The following CPM variants were observed in gnomAD, a reference collection of about 807,000 sequenced individuals.
CPM encodes the protein carboxypeptidase M, also known as renal carboxypeptidase.
CPM carries 35 observed loss-of-function variants against 46.4 expected under a neutral mutation model. That is an observed-to-expected ratio of 0.75 (90% confidence interval 0.58 to 1.00). The LOEUF (loss-of-function observed/expected upper bound fraction) is 1.00, where lower values mean the gene tolerates loss of function less well. Ranked by LOEUF, CPM falls within the 50% of genes least tolerant of loss-of-function variation. The pLI is 0.00. For missense variants in CPM, 422 were observed against 530.4 expected (o/e 0.80, Z 2.01); for synonymous variants, 195 against 195.3 (o/e 1.00, Z 0.01).
rs751865131 is a variant in CPM at position 68,871,953 on chromosome 12, C to T, written c.262G>A (p.Val88Ile). 1 of 1,614,026 alleles carries T rather than the reference C, an allele frequency of 6.2e-7. No individual in the cohort carries two copies. Among genetic ancestry groups the T allele is most frequent in the Non-Finnish European group, 8.5e-7 (1 of 1,179,992 alleles). ...YVANMHGDET[V>I]GRELLLHLID... is the part of the protein sequence containing the mutation. ...AGATGGAGCAGCAGCTCCCGCCCAA[C>T]AGTCTATATGTGTTAAAGAGAAAAG... The change falls in exon 4 of 9, where the codon GTT (valine) becomes ATT (isoleucine). Residue 88 changes from valine to isoleucine, a missense_variant. Coordinates refer to ENST00000551568, the MANE Select transcript of CPM (RefSeq NM_198320.5).
chr12:68,867,412 A>G (rs12422660), intron 6 of CPM, among the ~76,000 whole-genome samples: 1 of 152,268 alleles, frequency 6.6e-6, no homozygotes, highest in Admixed American at 6.5e-5. Flanking sequence ...AAGCTAGAAT[A>G]AGATTCCTTT....
chr12:68,953,659 G>A (rs1433266699), intron 1 of CPM, among the ~76,000 whole-genome samples: 1 of 152,210 alleles, frequency 6.6e-6, no homozygotes, highest in African/African-American at 2.4e-5. Context: ...TGATGGTGGT[G>A]CAGCCTGGAG....
At chr12:68,865,278 A>G (rs751684806) in intron 7 of CPM, among the ~76,000 whole-genome samples, 8 of 152,222 alleles carry the variant, frequency 5.3e-5, no homozygotes, top group Non-Finnish European at 1.0e-4. Context: ...AACATCCCCT[A>G]TCACAGGGAG....
intron 2 of CPM, among the ~76,000 whole-genome samples, chr12:68,924,078 G>A (rs1326295247): frequency 2.0e-5 from 3 of 151,400 alleles, no homozygotes; most frequent in East Asian, 1.9e-4. Context: ...GGGAGGCTGA[G>A]GCAGGAGGAT....
chr12:68,867,105 A>G (rs1885486755), intron 6 of CPM, 57 bp from the exon 7 acceptor site: 3 of 1,552,796 alleles, frequency 1.9e-6, no homozygotes, highest in Non-Finnish European at 2.7e-6. Context: ...GGAGCCAAGT[A>G]TCACGTGCCT....
chr12:68,922,223 T>C (rs1033934124), intron 2 of CPM, among the ~76,000 whole-genome samples: 1 of 152,252 alleles, frequency 6.6e-6, no homozygotes, highest in Non-Finnish European at 1.5e-5. Flanking sequence ...CATTTATTCG[T>C]GCTCTAAAAA....
At position 68,843,668 on chromosome 12, in the gene CPM, A is replaced by G. The variant is rs150137388; in HGVS notation, c.534-1339T>C. 563 of 225,054 alleles carry G rather than the reference A, an allele frequency of 2.5e-3. 3 individuals carry two copies. Among genetic ancestry groups the G allele is most frequent in the African/African-American group, 0.012 (529 of 44,414 alleles). The allele number at this position is 225,054 out of a possible 1,614,324, so 13.9% of individuals were successfully genotyped here. The stretch of plus-strand genomic sequence containing the variant: ...AGGACTGAGGTAATTCTGCACAGCA[A>G]CTTTACTAATGGTACATTGTTGCTT... On this transcript the variant is annotated intron_variant, in intron 5 of 5. Transcript: ENST00000551897.
chr12:68,885,965 A>T, intron 2 of CPM, 76 bp from the exon 3 acceptor site: 1 of 1,237,934 alleles, frequency 8.1e-7, no homozygotes, highest in Middle Eastern at 1.9e-4. Flanking sequence ...TAAGACTAGG[A>T]AACAGGATGC....
At chr12:68,919,619 T>C (rs902103227) in intron 2 of CPM, among the ~76,000 whole-genome samples, 1 of 152,224 alleles carries the variant, frequency 6.6e-6, no homozygotes, top group Admixed American at 6.5e-5. Context: ...CCCTTAGAAG[T>C]ACATGTTCTT....
rs144524563 is a variant in CPM, at chr12:68,864,271, C to G, written c.940+2625G>C. 6.7e-3 allele frequency among the ~76,000 whole-genome samples: 1,018 copies of G among 152,170 alleles called. 16 individuals are homozygous for G. The highest frequency in any genetic ancestry group is 0.023 in the African/African-American group (943 of 41,502). On this transcript the variant is annotated intron_variant, in intron 7 of 8. Coordinates refer to ENST00000551568, the MANE Select transcript of CPM (RefSeq NM_198320.5). ...ACCAGCCTGGGCAATATGGTGAAAC[C>G]CTGTCTCTACAAAAATACAAAATTA...
chr12:68,859,206 A>AG, intron 7 of CPM, 135 bp from the exon 8 acceptor site: 1 of 466,230 alleles, frequency 2.1e-6, no homozygotes, highest in Non-Finnish European at 3.4e-6. Flanking sequence ...AGTGTTAGAG[A>AG]GGGAAAAAAC....
chr12:68,892,245 G>A (rs1323310803), intron 2 of CPM, among the ~76,000 whole-genome samples: 1 of 152,162 alleles, frequency 6.6e-6, no homozygotes, highest in Non-Finnish European at 1.5e-5. Flanking sequence ...AAACGTGAAC[G>A]TGTGAAGCAA....
chr12:68,870,321 T>G lies in CPM; in HGVS notation c.510A>C (p.Glu170Asp), dbSNP rs542005461. ...TCAGCCACTTCATGACTGCCACAGT[T>G]TCAGGCTGCCTTGAGACATTATTAT... is the stretch of plus-strand genomic sequence containing the variant. The part of the protein sequence containing the change: ...FEYNNVSRQP[E>D]TVAVMKWLKT... Residue 170 changes from glutamate (E) to aspartate (D), a missense_variant, in exon 5 of 9, where the codon GAA becomes GAC. Coordinates refer to ENST00000551568, the MANE Select transcript of CPM (RefSeq NM_198320.5). 1 of 1,614,214 alleles carries G rather than the reference T, an allele frequency of 6.2e-7. No individual in the cohort carries two copies. The highest frequency in any genetic ancestry group is 1.3e-5 in the African/African-American group (1 of 75,038).
At chr12:68,932,550 C>T in intron 2 of CPM, 128 bp downstream of exon 2, 1 of 1,071,076 alleles carries the variant, frequency 9.3e-7, no homozygotes, top group Non-Finnish European at 1.4e-6. Context: ...ACGCACGGTA[C>T]CGGTTGACTT....
At chr12:68,913,239 C>T (rs1887671850) in intron 2 of CPM, among the ~76,000 whole-genome samples, 1 of 152,184 alleles carries the variant, frequency 6.6e-6, no homozygotes, top group African/African-American at 2.4e-5. Flanking sequence ...CCTACTGTCC[C>T]CTACCCTCTC....
At chr12:68,929,330 G>T (rs1384340111) in intron 2 of CPM, among the ~76,000 whole-genome samples, 1 of 152,128 alleles carries the variant, frequency 6.6e-6, no homozygotes, top group African/African-American at 2.4e-5. Context: ...AATAGATATA[G>T]ATTATTGATT....
intron 2 of CPM, among the ~76,000 whole-genome samples, chr12:68,909,740 A>G (rs1887503070): frequency 6.6e-6 from 1 of 151,712 alleles, no homozygotes; most frequent in Non-Finnish European, 1.5e-5. Context: ...GAATATCAGA[A>G]AATCAAACAC....
chr12:68,931,763 A>AAAAAAAAAAAAAAAAAAAAAAG (rs1482981614), intron 2 of CPM, among the ~76,000 whole-genome samples: 5 of 132,502 alleles, frequency 3.8e-5, no homozygotes, highest in Non-Finnish European at 6.3e-5. Context: ...AAAAAAAAAA[A>AAAAAAAAAAAAAAAAAAAAAAG]AAAGAAAGAA....
At chr12:68,842,705 A>G (rs1485469941) in intron 5 of CPM, 1 of 196,468 alleles carries the variant, frequency 5.1e-6, no homozygotes, top group African/African-American at 2.3e-5. Flanking sequence ...ATATAAAGTA[A>G]AATTTTCTTT....
Sources: allele counts gnomAD v4.1 joint callset (sites outside exome capture counted in the v4.1 genomes callset), GRCh38; gene constraint gnomAD v4.1.1; transcripts MANE v1.5; gene names NCBI Gene and HGNC (gene_info 2026-07-23, HGNC 2026-07-21).